NOX4: variants seen among roughly 807,000 people sequenced by gnomAD.
NOX4 encodes NADPH oxidase 4, also known as kidney oxidase-1.
A neutral mutation model predicts 87.6 loss-of-function variants in NOX4; 69 were observed. That is an observed-to-expected ratio of 0.79 (90% CI 0.65 to 0.96). The LOEUF is 0.96. Ranked by LOEUF, NOX4 falls within the 40% of genes least tolerant of loss-of-function variation. The pLI, the probability that NOX4 is intolerant of heterozygous loss-of-function variation, is 0.00. For synonymous variants in NOX4, 275 were observed against 238.2 expected (o/e 1.15, Z -1.42); for missense variants, 680 against 681.5 (o/e 1.00, Z 0.02).
intron 11 of NOX4, among the ~76,000 whole-genome samples, chr11:89,386,553 T>A (rs898996906): frequency 3.3e-5 from 5 of 151,996 alleles, no homozygotes; most frequent in African/African-American, 1.2e-4. Context: ...TCCCCAACTA[T>A]CCCCACCACA....
At chr11:89,522,820 C>T in the NOX4 span, among the ~76,000 whole-genome samples, 1 of 152,078 alleles carries the variant, frequency 6.6e-6, no homozygotes, top group East Asian at 1.9e-4. Context: ...CAGAGTACTT[C>T]CCAGGCAACC....
At chr11:89,381,897 C>T (rs1940317123) in intron 11 of NOX4, among the ~76,000 whole-genome samples, 2 of 152,166 alleles carry the variant, frequency 1.3e-5, no homozygotes, top group Non-Finnish European at 2.9e-5. Context: ...TGGTGCCACC[C>T]TTGGGTCTCT....
chr11:89,443,082 A>G lies in NOX4; in HGVS notation c.447+1053T>C, dbSNP rs1355899632. On this transcript the variant is annotated intron_variant, in intron 5 of 17. Transcript: ENST00000263317. The stretch of plus-strand genomic sequence containing the variant: ...TGGTTCTCAGTGCTGGATGCACTCT[A>G]CAAGCCTGGTAAATTTTTACAAATT... Among the ~76,000 whole-genome samples, 14 of 152,246 alleles carry G rather than the reference A, an allele frequency of 9.2e-5. No homozygotes were observed. In the East Asian group the frequency reaches 2.7e-3, roughly 29 times the overall value.
intron 2 of NOX4, among the ~76,000 whole-genome samples, chr11:89,457,365 C>T (rs1421589934): frequency 6.6e-6 from 1 of 152,230 alleles, no homozygotes; most frequent in Non-Finnish European, 1.5e-5. Context: ...AGCCACACTG[C>T]CACTGCCATA....
At chr11:89,426,033 A>G (rs552872539) in intron 7 of NOX4, among the ~76,000 whole-genome samples, 1 of 152,302 alleles carries the variant, frequency 6.6e-6, no homozygotes, top group East Asian at 1.9e-4. Context: ...GAATGTGTCC[A>G]TTAGAAAGGA....
intron 13 of NOX4, among the ~76,000 whole-genome samples, chr11:89,352,226 T>G (rs1946490009): frequency 6.6e-6 from 1 of 152,186 alleles, no homozygotes; most frequent in Non-Finnish European, 1.5e-5. Context: ...AATCTATCCA[T>G]GTATCAAAAT....
chr11:89,409,600 T>C (rs905661010), intron 8 of NOX4, among the ~76,000 whole-genome samples: 5 of 152,178 alleles, frequency 3.3e-5, no homozygotes, highest in African/African-American at 1.2e-4. Flanking sequence ...TATCAACAAA[T>C]GTGAATAAAC....
At chr11:89,456,152 G>A (rs1016514729) in intron 2 of NOX4, among the ~76,000 whole-genome samples, 2 of 151,984 alleles carry the variant, frequency 1.3e-5, no homozygotes, top group Non-Finnish European at 2.9e-5. Flanking sequence ...CATATTGCAT[G>A]TTTGTATCAA....
chr11:89,568,445 A>G, the NOX4 span, among the ~76,000 whole-genome samples: 1 of 152,354 alleles, frequency 6.6e-6, no homozygotes, highest in South Asian at 2.1e-4. Context: ...AGCCACACAC[A>G]TACAAAAATA....
At chr11:89,380,849 C>A (rs1940230933) in intron 11 of NOX4, among the ~76,000 whole-genome samples, 2 of 152,096 alleles carry the variant, frequency 1.3e-5, no homozygotes, top group Non-Finnish European at 1.5e-5. Flanking sequence ...ACCATGCTAA[C>A]CTATCATGTA....
the NOX4 span, among the ~76,000 whole-genome samples, chr11:89,589,273 G>A: frequency 6.6e-5 from 10 of 152,170 alleles, no homozygotes; most frequent in Non-Finnish European, 1.2e-4. Context: ...CAGCTTACTT[G>A]GATGTTGATT....
At chr11:89,432,041 G>T (rs1943818819) in intron 7 of NOX4, among the ~76,000 whole-genome samples, 1 of 152,106 alleles carries the variant, frequency 6.6e-6, no homozygotes, top group Admixed American at 6.6e-5. Flanking sequence ...ATGAGTTCAT[G>T]TCCTTTTTAG....
Position 89,340,059 on chromosome 11 carries a change from T to C in NOX4, c.1446+4A>G, listed in dbSNP as rs1461413428. On this transcript the variant is annotated splice_donor_region_variant and intron_variant, in intron 15 of 17. Transcript: ENST00000263317. Reference sequence around the variant, plus strand: ...TGCAAAACTAGAACCAACCCTAATGTTACCTTGTTATGCAACATACAGAGT... The same window carrying C: ...TGCAAAACTAGAACCAACCCTAATGCTACCTTGTTATGCAACATACAGAGT... 3 of 1,502,164 alleles carry C rather than the reference T, an allele frequency of 2.0e-6. No homozygotes were observed. The African/African-American group carries it at 4.4e-5, about 22-fold the overall frequency. The allele number at this position is 1,502,164 out of a possible 1,614,324, so 93.1% of individuals were successfully genotyped here.
At chr11:89,356,436 A>AAAG (rs34406195) in intron 12 of NOX4, among the ~76,000 whole-genome samples, 78,624 of 150,674 alleles carry the variant, frequency 0.52, 23,483 homozygotes, top group African/African-American at 0.84. Flanking sequence ...GGGGAAAAAA[A>AAAG]AAGGACAAAG....
chr11:89,560,961 CGTCTCTCT>C, the NOX4 span, among the ~76,000 whole-genome samples: 30 of 52,538 alleles, frequency 5.7e-4, 1 homozygote, highest in African/African-American at 1.7e-3. Context: ...CATCTCATCT[CGTCTCTCT>C]CTCTCTCTCT....
the NOX4 span, among the ~76,000 whole-genome samples, chr11:89,529,410 T>C: frequency 6.6e-6 from 1 of 152,284 alleles, no homozygotes; most frequent in African/African-American, 2.4e-5. Context: ...AAGGAATGCA[T>C]TGAGAAACTC....
At chr11:89,449,577 G>T in intron 3 of NOX4, 53 bp from the exon 4 acceptor site, 1 of 1,416,382 alleles carries the variant, frequency 7.1e-7, no homozygotes, top group Non-Finnish European at 9.9e-7. Flanking sequence ...TGTGATAAAA[G>T]TTTTTCAGTA....
chr11:89,355,149 T>C, intron 12 of NOX4, 106 bp from the exon 13 acceptor site: 1 of 763,196 alleles, frequency 1.3e-6, no homozygotes, highest in Non-Finnish European at 2.1e-6. Context: ...ACATTTTGAC[T>C]GTATATCCAT....
chr11:89,516,791 C>T, the NOX4 span, among the ~76,000 whole-genome samples: 549 of 152,136 alleles, frequency 3.6e-3, 6 homozygotes, highest in African/African-American at 0.013. Context: ...CAGTCATAAA[C>T]ACAATTCTTT....
Sources: allele counts gnomAD v4.1 joint callset (sites outside exome capture counted in the v4.1 genomes callset), GRCh38; gene constraint gnomAD v4.1.1; transcripts MANE v1.5; gene names NCBI Gene and HGNC (gene_info 2026-07-23, HGNC 2026-07-21).